The following LRP1B variants were observed in gnomAD, a reference collection of about 807,000 sequenced individuals.
LRP1B encodes LDL receptor related protein 1B.
A neutral mutation model predicts 556.6 loss-of-function variants in LRP1B; 217 were observed. The ratio of observed to expected loss-of-function variants is 0.39; its 90% confidence interval spans 0.35 to 0.44. LRP1B has a LOEUF of 0.44. Among genes scored for constraint, LRP1B ranks in the 20% least tolerant of loss-of-function variants. The pLI is 1.00. For synonymous variants in LRP1B, 2,047 were observed against 1,865.8 expected, an observed-to-expected ratio of 1.10 and a Z score of -2.50; for missense variants, 5,053 against 5,620.8, an observed-to-expected ratio of 0.90 and a Z score of 3.23.
chr2:141,052,513 T>C (rs1699065258), intron 10 of LRP1B, among the ~76,000 whole-genome samples: 1 of 152,082 alleles, frequency 6.6e-6, no homozygotes, highest in Admixed American at 6.6e-5. Flanking sequence ...ATATTGTTTC[T>C]GAGTTGCTAT....
intron 72 of LRP1B, among the ~76,000 whole-genome samples, chr2:140,360,851 C>T (rs1443234570): frequency 6.6e-6 from 1 of 151,516 alleles, no homozygotes; most frequent in African/African-American, 2.4e-5. Flanking sequence ...GTTAAGAATG[C>T]TAACTTATAG....
At chr2:140,943,611 A>C (rs996272932) in intron 20 of LRP1B, among the ~76,000 whole-genome samples, 1 of 152,146 alleles carries the variant, frequency 6.6e-6, no homozygotes, top group Non-Finnish European at 1.5e-5. Context: ...CAATAGCCAG[A>C]GGAACTCTCA....
intron 62 of LRP1B, among the ~76,000 whole-genome samples, chr2:140,453,170 A>AT: frequency 6.6e-6 from 1 of 151,952 alleles, no homozygotes; most frequent in Non-Finnish European, 1.5e-5. Flanking sequence ...AATTGTATGT[A>AT]TTTTTAAATT....
intron 2 of LRP1B, among the ~76,000 whole-genome samples, chr2:141,597,666 T>C (rs1031449342): frequency 6.6e-6 from 1 of 152,096 alleles, no homozygotes; most frequent in African/African-American, 2.4e-5. Flanking sequence ...TTTATGAAGT[T>C]TCTTTCTGGA....
In LRP1B at chr2:141,015,922, C is replaced by A. The variant is rs763370226; in HGVS notation, c.1971-7G>T. ...GTCTGTCCAATACATCCAACTAAGA[C>A]ATTAAAAAAACAACAAAAATGCATA... On this transcript the variant is annotated splice_region_variant and splice_polypyrimidine_tract_variant and intron_variant, in intron 12 of 90. Coordinates refer to ENST00000389484, the MANE Select transcript of LRP1B (RefSeq NM_018557.3). 1 of 1,609,322 alleles carries A rather than the reference C, an allele frequency of 6.2e-7. No homozygotes were observed. The highest frequency in any genetic ancestry group is 8.5e-7 in the Non-Finnish European group (1 of 1,176,134).
At chr2:141,019,290 T>A (rs1371541675) in intron 12 of LRP1B, among the ~76,000 whole-genome samples, 1 of 152,116 alleles carries the variant, frequency 6.6e-6, no homozygotes, top group East Asian at 1.9e-4. Flanking sequence ...TCTAAAATTA[T>A]GTGGTTGTCA....
chr2:140,921,121 A>G (rs912462612), intron 21 of LRP1B, among the ~76,000 whole-genome samples: 2 of 151,744 alleles, frequency 1.3e-5, no homozygotes, highest in African/African-American at 4.8e-5. Flanking sequence ...TTGTCTGCAA[A>G]TTTTTTTTCT....
At position 140,841,148 on chromosome 2, in the gene LRP1B, C is replaced by T. The variant is rs983392537; in HGVS notation, c.4940-56G>A. The T allele has an allele frequency of 3.5e-5, 39 of 1,127,130 alleles. No individual in the cohort carries two copies. The African/African-American group carries it at 5.1e-4, about 15-fold the overall frequency. The allele number at this position is 1,127,130 out of a possible 1,614,324, so 69.8% of individuals were successfully genotyped here. A position where few individuals can be genotyped will look rare whatever the true frequency, so the allele number is the denominator to read the frequency against. ...TGAATGAAGTTTTTCATTGTACTGGCTCTGCAAGTAGTTATTTTCTATCTA... is the reference window on the plus strand; with the variant it reads ...TGAATGAAGTTTTTCATTGTACTGGTTCTGCAAGTAGTTATTTTCTATCTA... On this transcript the variant is annotated intron_variant, in intron 29 of 90. Coordinates refer to ENST00000389484, the MANE Select transcript of LRP1B (RefSeq NM_018557.3).
intron 37 of LRP1B, among the ~76,000 whole-genome samples, chr2:140,715,661 C>T (rs942068824): frequency 2.0e-5 from 3 of 151,974 alleles, no homozygotes; most frequent in Admixed American, 6.6e-5. Context: ...GGCTATTTTA[C>T]TAATTCAATA....
chr2:141,844,095 G>A (rs13019277), intron 1 of LRP1B, among the ~76,000 whole-genome samples: 28,376 of 151,868 alleles, frequency 0.19, 3,186 homozygotes, highest in East Asian at 0.33. Flanking sequence ...GAAAAAGGAT[G>A]GCCTCCTTTA....
At chr2:140,444,532 A>C (rs964557832) in intron 64 of LRP1B, 31 bp downstream of exon 64, 7 of 1,612,046 alleles carry the variant, frequency 4.3e-6, no homozygotes, top group Non-Finnish European at 5.9e-6. Context: ...AATTAGACTT[A>C]TGTTCATTAG....
chr2:140,762,295 T>A (rs1559103296), intron 35 of LRP1B, among the ~76,000 whole-genome samples: 1 of 152,142 alleles, frequency 6.6e-6, no homozygotes, highest in South Asian at 2.1e-4. Flanking sequence ...AATTAGGGCA[T>A]CTCAAAGCAA....
At chr2:141,545,456 G>A (rs945110676) in intron 2 of LRP1B, among the ~76,000 whole-genome samples, 1 of 152,170 alleles carries the variant, frequency 6.6e-6, no homozygotes, top group Non-Finnish European at 1.5e-5. Context: ...TTGGCAAAAG[G>A]AACCTTACAG....
chr2:140,568,322 C>A, intron 43 of LRP1B, among the ~76,000 whole-genome samples: 1 of 150,308 alleles, frequency 6.7e-6, no homozygotes, highest in Non-Finnish European at 1.5e-5. Flanking sequence ...AACCCTGAAA[C>A]TAATTCCATG....
At chr2:141,924,003 T>A (rs759348904) in intron 1 of LRP1B, among the ~76,000 whole-genome samples, 21 of 152,058 alleles carry the variant, frequency 1.4e-4, no homozygotes, top group Non-Finnish European at 1.5e-5. Context: ...AGGGAAATAC[T>A]GGGTAGAAGA....
chr2:140,383,649 G>T (rs574653276), intron 67 of LRP1B, among the ~76,000 whole-genome samples: 1 of 152,132 alleles, frequency 6.6e-6, no homozygotes, highest in South Asian at 2.1e-4. Context: ...AACATACTCT[G>T]ACATTCCTCT....
chr2:141,645,301 A>T (rs1161801109), intron 2 of LRP1B, among the ~76,000 whole-genome samples: 2 of 152,060 alleles, frequency 1.3e-5, no homozygotes, highest in African/African-American at 4.8e-5. Context: ...AAGTCCCCCA[A>T]ACTTTTTGAT....
At chr2:141,958,770 T>A in intron 1 of LRP1B, among the ~76,000 whole-genome samples, 1 of 152,040 alleles carries the variant, frequency 6.6e-6, no homozygotes, top group East Asian at 1.9e-4. Flanking sequence ...TATATCTGAA[T>A]GTCAGAATGA....
chr2:140,800,633 A>G (rs1356065881), intron 32 of LRP1B, among the ~76,000 whole-genome samples: 1 of 152,208 alleles, frequency 6.6e-6, no homozygotes, highest in African/African-American at 2.4e-5. Context: ...CGGCCTGGTT[A>G]TGAGACTACC....
Sources: allele counts gnomAD v4.1 joint callset (sites outside exome capture counted in the v4.1 genomes callset), GRCh38; gene constraint gnomAD v4.1.1; transcripts MANE v1.5; gene names NCBI Gene and HGNC (gene_info 2026-07-23, HGNC 2026-07-21).